Variants in MAPK14 observed in about 807,000 individuals in gnomAD.
MAPK14 encodes CSAID-binding protein.
MAPK14 carries 16 observed loss-of-function variants against 49.6 expected under a neutral mutation model. That is an observed-to-expected ratio of 0.32 (90% confidence interval 0.22 to 0.49). MAPK14 has a LOEUF of 0.49. Ranked by LOEUF, MAPK14 falls within the 20% of genes least tolerant of loss-of-function variation. MAPK14 has a pLI of 0.99. For missense variants in MAPK14, 200 were observed against 441.2 expected, an observed-to-expected ratio of 0.45 and a Z score of 4.90; for synonymous variants, 142 against 158.0, an observed-to-expected ratio of 0.90 and a Z score of 0.76.
intron 10 of MAPK14, among the ~76,000 whole-genome samples, chr6:36,106,726 A>T (rs1765808366): frequency 2.0e-5 from 3 of 152,184 alleles, no homozygotes; most frequent in African/African-American, 7.2e-5. Context: ...TCACTTTATC[A>T]TAGTTTTTAC....
intron 8 of MAPK14, among the ~76,000 whole-genome samples, chr6:36,089,560 T>A (rs541611764): frequency 1.5e-4 from 23 of 152,348 alleles, no homozygotes; most frequent in African/African-American, 5.3e-4. Flanking sequence ...TAAAAAAATA[T>A]AAGAAATACT....
chr6:36,079,895 T>G (rs536115556), intron 8 of MAPK14, among the ~76,000 whole-genome samples: 2 of 152,196 alleles, frequency 1.3e-5, no homozygotes, highest in Admixed American at 6.5e-5. Flanking sequence ...ACTTGGAAAT[T>G]GAATTGAAAA....
chr6:36,075,780 G>GT (rs758875962), intron 6 of MAPK14, 68 bp from the exon 7 acceptor site: 1 of 1,605,676 alleles, frequency 6.2e-7, no homozygotes, highest in East Asian at 2.2e-5. Context: ...TGTTGTTGTT[G>GT]TTTTGTTTTT....
chr6:36,044,099 C>G (rs192476524), intron 1 of MAPK14, among the ~76,000 whole-genome samples: 2 of 151,996 alleles, frequency 1.3e-5, no homozygotes. Context: ...CGTGAGCCAC[C>G]GCACCCGGCC....
chr6:36,100,267 G>C, intron 9 of MAPK14: 1 of 1,611,006 alleles, frequency 6.2e-7, no homozygotes, highest in Non-Finnish European at 8.5e-7. Flanking sequence ...CAAGCCATGA[G>C]GTGAGAACAA....
rs781181623 is a variant in MAPK14 at position 36,028,435 on chromosome 6, C to T, written c.116+162C>T. Among the ~76,000 whole-genome samples the T allele has an allele frequency of 1.3e-5, 2 of 152,250 alleles. No individual in the cohort carries two copies. Among genetic ancestry groups the T allele is most frequent in the Non-Finnish European group, 2.9e-5 (2 of 68,040 alleles). On this transcript the variant is annotated intron_variant, in intron 1 of 11. Transcript: ENST00000229794. The surrounding 1 kb of genome is among the most constrained non-coding windows in gnomAD (Gnocchi z 5.1). ...TCTGCCCGTTCTGCACCTCCAGCACCCCTCGCCCTGCACTCACGCAGGTAT... is the reference window on the plus strand; with the variant it reads ...TCTGCCCGTTCTGCACCTCCAGCACTCCTCGCCCTGCACTCACGCAGGTAT...
At chr6:36,076,892 G>C (rs144970397) in intron 8 of MAPK14, 23 of 248,606 alleles carry the variant, frequency 9.3e-5, no homozygotes, top group Non-Finnish European at 1.6e-4. Flanking sequence ...GCAGTTCTGA[G>C]ACCTGAGCAT....
At chr6:36,080,297 C>T (rs1190450003) in intron 8 of MAPK14, among the ~76,000 whole-genome samples, 1 of 152,146 alleles carries the variant, frequency 6.6e-6, no homozygotes, top group Non-Finnish European at 1.5e-5. Context: ...GATGTACAAT[C>T]ACTACTACTA....
chr6:36,063,244 A>G (rs190023759), intron 3 of MAPK14, among the ~76,000 whole-genome samples: 5 of 152,252 alleles, frequency 3.3e-5, no homozygotes, highest in African/African-American at 1.2e-4. Flanking sequence ...ACGTGATGCT[A>G]TGTGTTTGTG....
intron 3 of MAPK14, among the ~76,000 whole-genome samples, chr6:36,065,455 G>A (rs141249778): frequency 4.1e-4 from 62 of 151,356 alleles, no homozygotes; most frequent in Non-Finnish European, 7.8e-4. Flanking sequence ...TGGAAAGGTG[G>A]GGAAAGTACA....
intron 1 of MAPK14, among the ~76,000 whole-genome samples, chr6:36,031,672 T>G (rs1315613273): frequency 6.6e-6 from 1 of 152,206 alleles, no homozygotes. Flanking sequence ...CCCAAAGTGC[T>G]GAGATTACAG....
chr6:36,085,747 TAGAC>T (rs1408293838), intron 8 of MAPK14, among the ~76,000 whole-genome samples: 1 of 152,122 alleles, frequency 6.6e-6, no homozygotes, highest in African/African-American at 2.4e-5. Context: ...CTGTCAATAT[TAGAC>T]AGATCATCAA....
At chr6:36,072,802 T>C (rs929712451) in intron 3 of MAPK14, 71 bp from the exon 4 acceptor site, 20 of 866,058 alleles carry the variant, frequency 2.3e-5, no homozygotes, top group African/African-American at 3.4e-5. Context: ...AAAAAACTTA[T>C]AAAAGTCTTC....
At chr6:36,036,304 GAATA>G (rs540721808) in intron 1 of MAPK14, among the ~76,000 whole-genome samples, 3 of 150,732 alleles carry the variant, frequency 2.0e-5, no homozygotes, top group African/African-American at 4.9e-5. Flanking sequence ...TCTCAGGAAT[GAATA>G]AATAAAGTAG....
At chr6:36,030,483 C>T (rs536415401) in intron 1 of MAPK14, among the ~76,000 whole-genome samples, 10 of 151,946 alleles carry the variant, frequency 6.6e-5, no homozygotes, top group South Asian at 2.1e-4. Flanking sequence ...GTCAGGAGAT[C>T]GAGACCATCC....
chr6:36,092,792 G>T (rs772332100), intron 8 of MAPK14: 1 of 241,530 alleles, frequency 4.1e-6, no homozygotes, highest in East Asian at 1.2e-4. Context: ...GGCACCTCCC[G>T]AGGTGATGAA....
intron 10 of MAPK14, among the ~76,000 whole-genome samples, chr6:36,106,242 G>A (rs756036962): frequency 2.0e-5 from 3 of 152,108 alleles, no homozygotes; most frequent in Non-Finnish European, 4.4e-5. Context: ...GAAGTACAGG[G>A]GATAGTGGAA....
At chr6:36,117,082 G>T in the MAPK14 span, among the ~76,000 whole-genome samples, 2 of 152,226 alleles carry the variant, frequency 1.3e-5, no homozygotes, top group East Asian at 1.9e-4. Context: ...AATTGGGGAG[G>T]AGTCCCTGGC....
intron 1 of MAPK14, among the ~76,000 whole-genome samples, chr6:36,039,228 C>T (rs1428401229): frequency 1.3e-5 from 2 of 152,192 alleles, no homozygotes; most frequent in Non-Finnish European, 2.9e-5. Context: ...CCCTCTTTTA[C>T]TGCTCTATCA....
Sources: allele counts gnomAD v4.1 joint callset (sites outside exome capture counted in the v4.1 genomes callset), GRCh38; gene constraint gnomAD v4.1.1; non-coding constraint Gnocchi (gnomAD v3.1); transcripts MANE v1.5; gene names NCBI Gene and HGNC (gene_info 2026-07-23, HGNC 2026-07-21).